Variants in NR4A1 observed in about 807,000 individuals in gnomAD.
The protein encoded by NR4A1 is nuclear receptor subfamily 4immunitygroup A member 1.
In NR4A1, 24 loss-of-function variants were observed where a neutral mutation model predicts 47.5. The observed-to-expected ratio is 0.50, with a 90% CI of 0.37 to 0.71. The LOEUF (loss-of-function observed/expected upper bound fraction) is 0.71. Among genes scored for constraint, NR4A1 ranks in the 30% least tolerant of loss-of-function variants. The probability of loss-of-function intolerance (pLI) is 0.00; values close to 1 mark genes in which losing one functional copy is unlikely to be tolerated. For synonymous variants in NR4A1, 353 were observed against 345.7 expected (o/e 1.02, Z -0.24); for missense variants, 669 against 788.6 (o/e 0.85, Z 1.82).
chr12:52,056,042 A>G lies in NR4A1; in HGVS notation c.889A>G (p.Lys297Glu). Reference sequence around the variant, plus strand: ...CCCCCCCACCCAGCGCACAGTGCAGAAAAACGCCAAGTACATCTGCCTGGC... The same window carrying G: ...CCCCCCCACCCAGCGCACAGTGCAGGAAAACGCCAAGTACATCTGCCTGGC... The part of the protein sequence containing the change: ...CKGFFKRTVQ[K>E]NAKYICLANK... The change falls in exon 3 of 7, where the codon AAA becomes GAA. Residue 297 changes from lysine (K) to glutamate (E), a missense_variant. Transcript: ENST00000394825. 6.6e-7 allele frequency: 1 copy of G among 1,519,800 alleles called. No homozygotes were observed. The highest frequency in any genetic ancestry group is 8.9e-7 in the Non-Finnish European group (1 of 1,127,422). 94.1% of individuals were successfully genotyped at this position (1,519,800 alleles called of 1,614,324 possible). A position where few individuals can be genotyped will look rare whatever the true frequency, so the allele number is the denominator to read the frequency against.
At chr12:52,048,013 G>C (rs1022867265), upstream of NR4A1, among the ~76,000 whole-genome samples, 2 of 151,264 alleles carry the variant, frequency 1.3e-5, no homozygotes, top group African/African-American at 4.9e-5. Context: ...AATTAGCTGG[G>C]TGTGGTGGCA....
chr12:52,039,965 G>A (rs1458157360), intron 1 of NR4A1, among the ~76,000 whole-genome samples: 1 of 152,152 alleles, frequency 6.6e-6, no homozygotes, highest in Non-Finnish European at 1.5e-5. Context: ...TGAGGTTGGT[G>A]GGGAGCAGGA....
rs749076288 is a variant in NR4A1 at position 52,054,779 on chromosome 12, C to G, written c.451C>G (p.Leu151Val). Residue 151 changes from leucine (L) to valine (V), a missense_variant, in exon 2 of 7, where the codon CTC becomes GTC. By Grantham distance (32) the Leu-to-Val change is conservative. Coordinates refer to ENST00000394825, the MANE Select transcript of NR4A1 (RefSeq NM_173157.3). ...PSTPSFQPPQ[L>V]SPWDGSFGHF... ...CACGCCCAGCTTCCAGCCGCCCCAGCTCTCTCCCTGGGATGGCTCCTTCGG... is the reference window on the plus strand; with the variant it reads ...CACGCCCAGCTTCCAGCCGCCCCAGGTCTCTCCCTGGGATGGCTCCTTCGG... 9 of 1,612,782 alleles carry G rather than the reference C, an allele frequency of 5.6e-6. No individual in the cohort carries two copies. Among genetic ancestry groups the G allele is most frequent in the Admixed American group, 5.0e-5 (3 of 59,994 alleles).
chr12:52,040,077 G>C (rs1273865061), intron 1 of NR4A1, among the ~76,000 whole-genome samples: 1 of 152,204 alleles, frequency 6.6e-6, no homozygotes, highest in East Asian at 1.9e-4. Flanking sequence ...GCACAGTGCA[G>C]ACTGTACTTG....
At chr12:52,051,254 C>G (rs891854703), upstream of NR4A1, 15 of 205,370 alleles carry the variant, frequency 7.3e-5, no homozygotes, top group Non-Finnish European at 1.1e-4. Flanking sequence ...CATTCCAGGC[C>G]CCCCCTCCTC....
intron 1 of NR4A1, among the ~76,000 whole-genome samples, chr12:52,031,942 GCC>G (rs1239446559): frequency 1.1e-4 from 17 of 152,092 alleles, no homozygotes; most frequent in African/African-American, 3.6e-4. Context: ...GATTACAGGT[GCC>G]CGCCACCACG....
intron 1 of NR4A1, among the ~76,000 whole-genome samples, chr12:52,025,018 G>A (rs1371457536): frequency 1.3e-5 from 2 of 151,690 alleles, no homozygotes; most frequent in Non-Finnish European, 2.9e-5. Flanking sequence ...CACGTGGTAA[G>A]GAAGGAGCTG....
chr12:52,056,810 A>AT (rs1939296339), intron 4 of NR4A1, 165 bp downstream of exon 4: 1 of 915,908 alleles, frequency 1.1e-6, no homozygotes, highest in Non-Finnish European at 1.6e-6. Flanking sequence ...CAAAGAGAGG[A>AT]TCCCCCTCTC....
upstream of NR4A1, among the ~76,000 whole-genome samples, chr12:52,050,129 C>A (rs1938849965): frequency 6.6e-6 from 1 of 152,186 alleles, no homozygotes; most frequent in South Asian, 2.1e-4. Flanking sequence ...TCTTACTTTT[C>A]CGTGAGGGCT....
At chr12:52,044,000 T>C (rs1565644645) in intron 2 of NR4A1, 1 of 1,186,430 alleles carries the variant, frequency 8.4e-7, no homozygotes, top group East Asian at 5.8e-5. Flanking sequence ...CCCTTTGGCC[T>C]TGGGCTGCGG....
intron 1 of NR4A1, among the ~76,000 whole-genome samples, chr12:52,028,486 C>T (rs1938048370): frequency 6.6e-6 from 1 of 150,604 alleles, no homozygotes; most frequent in Non-Finnish European, 1.5e-5. Flanking sequence ...AGGCAGGAGA[C>T]TTGCTTGAAC....
Position 52,059,069 on chromosome 12 carries a change from C to A in NR4A1, c.*125C>A. 1 of 1,254,630 alleles carries A rather than the reference C, an allele frequency of 8.0e-7. No individual in the cohort carries two copies. The highest frequency in any genetic ancestry group is 1.1e-6 in the Non-Finnish European group (1 of 923,886). 77.7% of individuals were successfully genotyped at this position (1,254,630 alleles called of 1,614,324 possible). ...GCTGCAGAATGACTCCACCTTCTCA[C>A]CTGCTCCAGGAGGTTTGCAGGGAGC... On this transcript the variant is annotated 3_prime_UTR_variant, in exon 7 of 7. Transcript: ENST00000394825.
upstream of NR4A1, among the ~76,000 whole-genome samples, chr12:52,047,364 C>T (rs1469742529): frequency 6.6e-6 from 1 of 152,220 alleles, no homozygotes; most frequent in Non-Finnish European, 1.5e-5. Flanking sequence ...GCCATTCTCC[C>T]TTGAGGGCCC....
intron 1 of NR4A1, chr12:52,052,423 C>G: frequency 1.0e-6 from 1 of 957,908 alleles, no homozygotes; most frequent in Non-Finnish European, 1.2e-6. Flanking sequence ...GAGGATACCT[C>G]CCAACCATTC....
chr12:52,056,292 A>G (rs1939269439), intron 3 of NR4A1, 133 bp downstream of exon 3: 2 of 1,412,834 alleles, frequency 1.4e-6, no homozygotes, highest in African/African-American at 2.9e-5. Context: ...TCTGAACCCC[A>G]GGCCTTGGAG....
chr12:52,057,341 C>T lies in NR4A1; in HGVS notation c.1362-11C>T. On this transcript the variant is annotated splice_polypyrimidine_tract_variant and intron_variant, in intron 5 of 6. Transcript: ENST00000394825. The stretch of plus-strand genomic sequence containing the variant: ...CACCCTGATCGCTCTTCGTGCCCAT[C>T]TGCCTGCCAGGTCTAAGCCAGGCGA... 1 of 1,614,154 alleles carries T rather than the reference C, an allele frequency of 6.2e-7. No individual in the cohort carries two copies. Among genetic ancestry groups the T allele is most frequent in the Non-Finnish European group, 8.5e-7 (1 of 1,180,010 alleles).
At chr12:52,035,343 A>G (rs1018973464) in intron 1 of NR4A1, among the ~76,000 whole-genome samples, 1 of 152,250 alleles carries the variant, frequency 6.6e-6, no homozygotes, top group Non-Finnish European at 1.5e-5. Flanking sequence ...TGGAAAGGAG[A>G]GACCTCTGTG....
intron 1 of NR4A1, among the ~76,000 whole-genome samples, chr12:52,025,544 T>C (rs1407603430): frequency 1.3e-5 from 2 of 152,240 alleles, no homozygotes; most frequent in African/African-American, 4.8e-5. Flanking sequence ...AAGCCGTCTC[T>C]GGCCGTTCCG....
chr12:52,050,076 G>A (rs1938846929), upstream of NR4A1, among the ~76,000 whole-genome samples: 1 of 152,160 alleles, frequency 6.6e-6, no homozygotes, highest in Non-Finnish European at 1.5e-5. Flanking sequence ...GGGGTGGCAG[G>A]GCTCTCTTTT....
Sources: gnomAD v4.1 joint callset for allele counts (sites outside exome capture counted in the v4.1 genomes callset) on GRCh38, gnomAD v4.1.1 for gene constraint, MANE v1.5 for transcripts, NCBI Gene and HGNC (gene_info 2026-07-23, HGNC 2026-07-21) for gene names.